Variants in SORBS2 observed in about 807,000 individuals in gnomAD.
SORBS2 encodes sorbin and SH3 domain containing 2, also known as sorbin and SH3 domain-containing protein 2.
A neutral mutation model predicts 97.7 loss-of-function variants in SORBS2; 46 were observed. That is an observed-to-expected ratio of 0.47 (90% CI 0.37 to 0.60). SORBS2 has a LOEUF of 0.60. Among genes scored for constraint, SORBS2 ranks in the 20% least tolerant of loss-of-function variants. SORBS2 has a pLI of 0.00. For missense variants in SORBS2, 1,316 were observed against 1,282.3 expected (o/e 1.03, Z -0.40); for synonymous variants, 476 against 473.4 (o/e 1.01, Z -0.07).
intron 2 of SORBS2, among the ~76,000 whole-genome samples, chr4:185,719,200 G>C (rs2098491361): frequency 6.6e-6 from 1 of 152,144 alleles, no homozygotes; most frequent in Non-Finnish European, 1.5e-5. Context: ...ACCGAGAAAA[G>C]AGAAAAGAAA....
At chr4:185,627,926 T>C (rs1407390569) in intron 5 of SORBS2, among the ~76,000 whole-genome samples, 2 of 152,176 alleles carry the variant, frequency 1.3e-5, no homozygotes, top group Non-Finnish European at 2.9e-5. Flanking sequence ...GTTGATATCA[T>C]GCAGAATGTG....
intron 1 of SORBS2, among the ~76,000 whole-genome samples, chr4:185,843,861 G>A (rs2099213004): frequency 6.6e-6 from 1 of 152,056 alleles, no homozygotes; most frequent in Non-Finnish European, 1.5e-5. Context: ...TTTTGAAATG[G>A]GAAATTTTAT....
rs1046124607 is a variant in SORBS2, at chr4:185,607,882, C to T, written c.2796+3898G>A. On this transcript the variant is annotated intron_variant, in intron 12 of 14. Coordinates refer to ENST00000418609, the Ensembl canonical transcript of SORBS2. This position sits in a 1 kb window ranked among gnomAD's most constrained non-coding sequence, Gnocchi z 5.2. ...CTAATTTTTATATTTTTAGTAGAGA[C>T]GGGTTTCACCATGTTGGCCAGGCTG... 1.9e-4 allele frequency among the ~76,000 whole-genome samples: 29 copies of T among 151,848 alleles called. No individual in the cohort carries two copies. Among genetic ancestry groups the T allele is most frequent in the African/African-American group, 7.0e-4 (29 of 41,332 alleles).
chr4:185,670,878 G>A (rs1051113418), intron 4 of SORBS2, among the ~76,000 whole-genome samples: 19 of 152,282 alleles, frequency 1.2e-4, no homozygotes, highest in African/African-American at 4.6e-4. Context: ...GGGCCAGTGG[G>A]GCCCTGCCTC....
intron 1 of SORBS2, among the ~76,000 whole-genome samples, chr4:185,873,911 TTAAA>T (rs2099231865): frequency 6.6e-6 from 1 of 152,168 alleles, no homozygotes; most frequent in Admixed American, 6.5e-5. Flanking sequence ...CTTATTTTAA[TTAAA>T]TAAAATATAA....
intron 1 of SORBS2, among the ~76,000 whole-genome samples, chr4:185,929,932 T>C (rs778817104): frequency 9.2e-5 from 14 of 152,150 alleles, no homozygotes; most frequent in Non-Finnish European, 1.6e-4. Context: ...GCAGTTTATT[T>C]CACTCTCAAG....
At chr4:185,657,256 C>T (rs759621034), upstream of SORBS2, 14 of 531,888 alleles carry the variant, frequency 2.6e-5, no homozygotes, top group Admixed American at 4.3e-5. Context: ...CTCCCATCAA[C>T]AGCTTTCTTT....
chr4:185,683,621 A>C (rs1464535115), intron 2 of SORBS2, among the ~76,000 whole-genome samples: 1 of 152,186 alleles, frequency 6.6e-6, no homozygotes, highest in Non-Finnish European at 1.5e-5. Flanking sequence ...TTTTTTAACC[A>C]AAATGAGGTC....
intron 1 of SORBS2, among the ~76,000 whole-genome samples, chr4:185,892,446 T>C (rs950972198): frequency 4.6e-5 from 7 of 152,252 alleles, no homozygotes; most frequent in African/African-American, 1.4e-4. Flanking sequence ...TCGATTCTAC[T>C]GATAAGGACT....
intron 1 of SORBS2, among the ~76,000 whole-genome samples, chr4:185,862,271 A>G (rs2099224262): frequency 6.6e-6 from 1 of 152,226 alleles, no homozygotes; most frequent in African/African-American, 2.4e-5. Context: ...GCAGCTTCAA[A>G]CTGCACACAG....
chr4:185,941,391 A>T (rs2099271929), intron 1 of SORBS2, among the ~76,000 whole-genome samples: 1 of 151,996 alleles, frequency 6.6e-6, no homozygotes, highest in Non-Finnish European at 1.5e-5. Context: ...TTCCTATATT[A>T]TCTGTCTTTT....
At chr4:185,722,624 T>G (rs1473915345) in intron 2 of SORBS2, among the ~76,000 whole-genome samples, 1 of 152,176 alleles carries the variant, frequency 6.6e-6, no homozygotes, top group African/African-American at 2.4e-5. Context: ...TGAGACAGAA[T>G]TTTGAGAAAC....
intron 3 of SORBS2, among the ~76,000 whole-genome samples, chr4:185,648,678 G>C (rs1408450955): frequency 6.6e-6 from 1 of 152,128 alleles, no homozygotes; most frequent in Non-Finnish European, 1.5e-5. Context: ...CATAGGCCTT[G>C]GGTTTAATCA....
chr4:185,626,725 G>A, intron 6 of SORBS2, 107 bp downstream of exon 18: 2 of 1,020,732 alleles, frequency 2.0e-6, no homozygotes, highest in Non-Finnish European at 3.1e-6. Context: ...TCCAGACACT[G>A]TAGGTGAGAG....
At chr4:185,587,325 T>A in exon 15 of SORBS2, 9 of 211,048 alleles carry the variant, frequency 4.3e-5, no homozygotes, top group East Asian at 2.1e-4. Flanking sequence ...TTTTTTTGCC[T>A]CAAATATTTG....
chr4:185,865,771 G>A (rs890309523), intron 1 of SORBS2, among the ~76,000 whole-genome samples: 1 of 152,176 alleles, frequency 6.6e-6, no homozygotes, highest in African/African-American at 2.4e-5. Context: ...GTCAAGCTGT[G>A]GCACCATCGG....
intron 1 of SORBS2, among the ~76,000 whole-genome samples, chr4:185,834,049 A>G (rs915198056): frequency 2.6e-5 from 4 of 152,220 alleles, no homozygotes; most frequent in African/African-American, 9.6e-5. Flanking sequence ...TGATAAAATA[A>G]TGTTTAAACA....
chr4:185,591,366 G>T (rs889463394), intron 13 of SORBS2, among the ~76,000 whole-genome samples: 15 of 152,148 alleles, frequency 9.9e-5, no homozygotes, highest in Admixed American at 2.0e-4. Context: ...CTTGAGAGAG[G>T]GGTTTGTGAT....
chr4:185,902,673 A>G (rs2099248351), intron 1 of SORBS2, among the ~76,000 whole-genome samples: 1 of 148,582 alleles, frequency 6.7e-6, no homozygotes. Context: ...TAGAGATAAA[A>G]ATGGTGTTTT....
Sources: gnomAD v4.1 joint callset for allele counts (sites outside exome capture counted in the v4.1 genomes callset) on GRCh38, gnomAD v4.1.1 for gene constraint, Gnocchi (gnomAD v3.1) non-coding constraint, MANE v1.5 for transcripts, NCBI Gene and HGNC (gene_info 2026-07-23, HGNC 2026-07-21) for gene names.